ELF2: variants seen among roughly 807,000 people sequenced by gnomAD.
ELF2 encodes the protein E74 like ETS transcription factor 2.
ELF2 carries 11 observed loss-of-function variants against 54.8 expected under a neutral mutation model. The ratio of observed to expected loss-of-function variants is 0.20; its 90% CI spans 0.13 to 0.33. The LOEUF (loss-of-function observed/expected upper bound fraction) is 0.33. Ranked by LOEUF, ELF2 falls within the 10% of genes least tolerant of loss-of-function variation. The probability of loss-of-function intolerance (pLI) is 1.00; values close to 1 mark genes in which losing one functional copy is unlikely to be tolerated. For missense variants in ELF2, 513 were observed against 703.0 expected (o/e 0.73, Z 3.06); for synonymous variants, 203 against 245.1 (o/e 0.83, Z 1.61).
chr4:139,123,182 C>CAA (rs762824168), intron 4 of ELF2, among the ~76,000 whole-genome samples: 2 of 67,332 alleles, frequency 3.0e-5, no homozygotes, highest in Non-Finnish European at 3.1e-5. Context: ...GACTCTGTCT[C>CAA]AAAAAAAAAA....
Position 139,058,472 on chromosome 4 carries a change from T to C in ELF2, c.*511A>G, listed in dbSNP as rs536532863. 3 of 151,272 alleles carry C rather than the reference T, an allele frequency of 2.0e-5. No individual in the cohort carries two copies. Among genetic ancestry groups the C allele is most frequent in the African/African-American group, 4.9e-5 (2 of 41,188 alleles). 9.4% of individuals were successfully genotyped at this position (151,272 alleles called of 1,614,324 possible). On this transcript the variant is annotated 3_prime_UTR_variant, in exon 10 of 10. Coordinates refer to ENST00000686138, the MANE Select transcript of ELF2 (RefSeq NM_001331036.3). The stretch of plus-strand genomic sequence containing the variant: ...TTTTTTTGCTATCCTCTTTCTGAAG[T>C]TTTTGGGATCCATTCTTCAATTCAC...
At chr4:139,061,020 A>G (rs564646462) in intron 8 of ELF2, among the ~76,000 whole-genome samples, 1 of 152,334 alleles carries the variant, frequency 6.6e-6, no homozygotes, top group Admixed American at 6.5e-5. Context: ...TTGTAACAAC[A>G]AACTGATATT....
At chr4:139,122,655 C>T (rs1037061841) in intron 4 of ELF2, among the ~76,000 whole-genome samples, 1 of 151,918 alleles carries the variant, frequency 6.6e-6, no homozygotes, top group Non-Finnish European at 1.5e-5. Context: ...ACGCATGCCA[C>T]CACGCCCAGC....
At chr4:139,122,945 G>A (rs1201478979) in intron 4 of ELF2, among the ~76,000 whole-genome samples, 3 of 151,816 alleles carry the variant, frequency 2.0e-5, no homozygotes, top group Admixed American at 2.0e-4. Context: ...AGCACTTTGG[G>A]AGGCCGAGGC....
chr4:139,103,815 C>T (rs1734153930), intron 4 of ELF2, among the ~76,000 whole-genome samples: 1 of 152,132 alleles, frequency 6.6e-6, no homozygotes, highest in East Asian at 1.9e-4. Context: ...ATCAGATGTC[C>T]CAGAGGTCTT....
At chr4:139,158,591 G>A (rs1318700849) in intron 1 of ELF2, among the ~76,000 whole-genome samples, 1 of 152,066 alleles carries the variant, frequency 6.6e-6, no homozygotes, top group Non-Finnish European at 1.5e-5. Context: ...GGTTGTTAAA[G>A]GGAACATTTG....
chr4:139,174,289 T>C (rs2148923084), intron 1 of ELF2, among the ~76,000 whole-genome samples: 1 of 146,960 alleles, frequency 6.8e-6, no homozygotes, highest in African/African-American at 2.5e-5. Context: ...AACATGGATA[T>C]ACTTTGAAAG....
intron 1 of ELF2, among the ~76,000 whole-genome samples, chr4:139,150,106 G>A (rs550731422): frequency 9.2e-5 from 14 of 152,098 alleles, no homozygotes; most frequent in South Asian, 2.1e-4. Flanking sequence ...TTGGGAGGCC[G>A]AAGCAGGTGG....
intron 7 of ELF2, among the ~76,000 whole-genome samples, chr4:139,062,877 T>C (rs544624086): frequency 6.6e-6 from 1 of 152,340 alleles, no homozygotes; most frequent in Admixed American, 6.5e-5. Context: ...ATATGTATTA[T>C]TAAGTGCAAA....
chr4:139,177,721 G>A (rs1260169471), upstream of ELF2, among the ~76,000 whole-genome samples: 1 of 151,208 alleles, frequency 6.6e-6, no homozygotes, highest in Admixed American at 6.6e-5. Context: ...GGCCGGGACC[G>A]CACGCACACA....
intron 3 of ELF2, among the ~76,000 whole-genome samples, chr4:139,127,811 G>A (rs930654688): frequency 4.6e-5 from 7 of 151,676 alleles, no homozygotes; most frequent in East Asian, 1.9e-4. Flanking sequence ...CTAAAAATAC[G>A]AAAATTAGCC....
At chr4:139,171,272 C>T (rs2148917897) in intron 1 of ELF2, among the ~76,000 whole-genome samples, 1 of 151,732 alleles carries the variant, frequency 6.6e-6, no homozygotes, top group Non-Finnish European at 1.5e-5. Flanking sequence ...TATGCACCTG[C>T]ATTCCCCATT....
At chr4:139,070,645 ACC>A (rs1729383181) in intron 6 of ELF2, among the ~76,000 whole-genome samples, 1 of 152,228 alleles carries the variant, frequency 6.6e-6, no homozygotes, top group Admixed American at 6.5e-5. Flanking sequence ...ATTGGATGCA[ACC>A]AGCCAAGTGC....
rs781130001 is a variant in ELF2, at chr4:139,084,086, C to T, written c.239-10519G>A. 36 of 1,611,822 alleles carry T rather than the reference C, an allele frequency of 2.2e-5. No homozygotes were observed. The East Asian group carries it at 7.6e-4, about 34-fold the overall frequency. ...AGTCACCCCGCCTTCTGTGCACCCC[C>T]TCTCCTGCTGCACCGATGCACGGGA... On this transcript the variant is annotated intron_variant, in intron 4 of 9. Coordinates refer to ENST00000686138, the MANE Select transcript of ELF2 (RefSeq NM_001331036.3).
At chr4:139,067,527 T>TC in intron 7 of ELF2, 157 bp downstream of exon 7, 1 of 658,084 alleles carries the variant, frequency 1.5e-6, no homozygotes. Context: ...TTGAAAAAGC[T>TC]CCCCACGTGA....
intron 3 of ELF2, among the ~76,000 whole-genome samples, chr4:139,128,211 G>A (rs1256768773): frequency 6.6e-6 from 1 of 152,010 alleles, no homozygotes; most frequent in Non-Finnish European, 1.5e-5. Flanking sequence ...GTAGGTGAAG[G>A]CTGCAGTGAG....
chr4:139,102,819 C>G (rs1056927022), intron 4 of ELF2, among the ~76,000 whole-genome samples: 1 of 151,814 alleles, frequency 6.6e-6, no homozygotes, highest in Admixed American at 6.6e-5. Flanking sequence ...CCAGCCTGGG[C>G]GACAGAGCAA....
chr4:139,079,259 T>C (rs184549917), intron 4 of ELF2, among the ~76,000 whole-genome samples: 95 of 152,260 alleles, frequency 6.2e-4, no homozygotes, highest in Admixed American at 2.5e-3. Flanking sequence ...AAACAAAAAG[T>C]AAGTAGCTTT....
At chr4:139,129,187 C>T (rs547883696) in intron 3 of ELF2, among the ~76,000 whole-genome samples, 1 of 152,308 alleles carries the variant, frequency 6.6e-6, no homozygotes, top group Non-Finnish European at 1.5e-5. Flanking sequence ...ATCCGCCCGC[C>T]TCAGCCTCCC....
Sources: allele counts gnomAD v4.1 joint callset (sites outside exome capture counted in the v4.1 genomes callset), GRCh38; gene constraint gnomAD v4.1.1; transcripts MANE v1.5; gene names NCBI Gene and HGNC (gene_info 2026-07-23, HGNC 2026-07-21).